TENM2: variants seen among roughly 807,000 people sequenced by gnomAD.
TENM2 encodes teneurin transmembrane protein 2.
TENM2 carries 52 observed loss-of-function variants against 245.2 expected under a neutral mutation model. That is an observed-to-expected ratio of 0.21 (90% CI 0.17 to 0.27). The LOEUF (loss-of-function observed/expected upper bound fraction) is 0.27. TENM2 is among the 10% of genes least tolerant of loss of function. The pLI is 1.00. For synonymous variants in TENM2, 1,363 were observed against 1,438.9 expected, an observed-to-expected ratio of 0.95 and a Z score of 1.19; for missense variants, 3,046 against 3,666.8, an observed-to-expected ratio of 0.83 and a Z score of 4.37.
chr5:168,185,399 AC>A (rs958644454), intron 13 of TENM2, among the ~76,000 whole-genome samples: 1 of 152,150 alleles, frequency 6.6e-6, no homozygotes, highest in African/African-American at 2.4e-5. Flanking sequence ...TGCTCTGAGT[AC>A]TGTACAGACA....
At chr5:167,103,764 A>G in the TENM2 span, among the ~76,000 whole-genome samples, 1 of 152,074 alleles carries the variant, frequency 6.6e-6, no homozygotes, top group South Asian at 2.1e-4. Context: ...TCCTTGGACT[A>G]CAAGTCCCCT....
the TENM2 span, among the ~76,000 whole-genome samples, chr5:167,197,868 G>T: frequency 6.6e-6 from 1 of 151,620 alleles, no homozygotes; most frequent in Non-Finnish European, 1.5e-5. Flanking sequence ...ATACATGTGT[G>T]TATATATAGA....
At chr5:167,429,641 A>C (rs1326233155) in intron 2 of TENM2, among the ~76,000 whole-genome samples, 2 of 111,688 alleles carry the variant, frequency 1.8e-5, no homozygotes, top group Admixed American at 1.3e-4. Flanking sequence ...ACTTAGTCTC[A>C]CTCTGCCCAG....
At chr5:167,273,591 A>G in the TENM2 span, among the ~76,000 whole-genome samples, 1 of 151,700 alleles carries the variant, frequency 6.6e-6, no homozygotes, top group East Asian at 1.9e-4. Context: ...GAATTGTCTT[A>G]AAAAATATGT....
chr5:166,991,361 G>C, the TENM2 span, among the ~76,000 whole-genome samples: 1 of 151,622 alleles, frequency 6.6e-6, no homozygotes, highest in Non-Finnish European at 1.5e-5. Flanking sequence ...TTGGATATTT[G>C]TGTGCGTATG....
chr5:168,014,967 G>A (rs1413602224), intron 5 of TENM2, among the ~76,000 whole-genome samples: 2 of 152,210 alleles, frequency 1.3e-5, no homozygotes, highest in African/African-American at 4.8e-5. Flanking sequence ...GCATTGATCT[G>A]TGTAGACTGG....
intron 2 of TENM2, among the ~76,000 whole-genome samples, chr5:167,550,263 G>A (rs769419088): frequency 1.4e-4 from 22 of 152,150 alleles, no homozygotes; most frequent in African/African-American, 3.9e-4. Context: ...GCAAATGTAC[G>A]TTCTGCTGGT....
At chr5:168,066,883 C>T (rs906799312) in intron 7 of TENM2, among the ~76,000 whole-genome samples, 1 of 152,170 alleles carries the variant, frequency 6.6e-6, no homozygotes, top group Non-Finnish European at 1.5e-5. Flanking sequence ...GACCTGGCTA[C>T]AGTGCTAGGT....
chr5:167,287,382 G>A (rs767867575), intron 1 of TENM2: 17 of 152,082 alleles, frequency 1.1e-4, no homozygotes, highest in Admixed American at 1.1e-3. Flanking sequence ...GATCATCTCC[G>A]TACTTATTAG....
intron 1 of TENM2, among the ~76,000 whole-genome samples, chr5:167,310,926 T>A (rs1218059066): frequency 6.6e-6 from 1 of 152,242 alleles, no homozygotes; most frequent in Non-Finnish European, 1.5e-5. Context: ...AGGGACTTAG[T>A]ATGAACCCAG....
At chr5:168,203,913 T>A (rs1762138478) in intron 18 of TENM2, 81 bp downstream of exon 20, 1 of 1,296,704 alleles carries the variant, frequency 7.7e-7, no homozygotes, top group Non-Finnish European at 1.0e-6. Context: ...ATTTAAGTGA[T>A]CACACCTCCC....
intron 1 of TENM2, among the ~76,000 whole-genome samples, chr5:167,326,101 AGG>A (rs1757058331): frequency 6.6e-6 from 1 of 152,160 alleles, no homozygotes; most frequent in African/African-American, 2.4e-5. Flanking sequence ...AAGAGTGGTC[AGG>A]GTACAGGCTT....
At chr5:167,639,060 G>A (rs568684681) in intron 2 of TENM2, among the ~76,000 whole-genome samples, 13 of 152,206 alleles carry the variant, frequency 8.5e-5, no homozygotes, top group Admixed American at 2.0e-4. Context: ...AGATTTATTC[G>A]GTAAGCTCCA....
At chr5:168,023,616 AGTT>A (rs1488280784) in intron 5 of TENM2, among the ~76,000 whole-genome samples, 3 of 152,192 alleles carry the variant, frequency 2.0e-5, no homozygotes, top group African/African-American at 4.8e-5. Flanking sequence ...ACAACACTCC[AGTT>A]GTTTAGAGAG....
chr5:167,722,635 G>A (rs928735309), intron 2 of TENM2, among the ~76,000 whole-genome samples: 3 of 152,118 alleles, frequency 2.0e-5, no homozygotes, highest in South Asian at 2.1e-4. Flanking sequence ...TTAGCTGGGC[G>A]TGGAGGTGCA....
the TENM2 span, among the ~76,000 whole-genome samples, chr5:167,226,573 T>A: frequency 1.3e-5 from 2 of 151,996 alleles, no homozygotes; most frequent in East Asian, 1.9e-4. Flanking sequence ...TTTAAAAAAA[T>A]TTGTTGAGGC....
At chr5:168,012,140 G>A (rs763918535) in intron 5 of TENM2, among the ~76,000 whole-genome samples, 3 of 151,982 alleles carry the variant, frequency 2.0e-5, no homozygotes, top group South Asian at 2.1e-4. Context: ...CCTCAGAACC[G>A]CCCCTAATAA....
intron 9 of TENM2, among the ~76,000 whole-genome samples, chr5:168,110,036 C>T (rs1794553137): frequency 1.4e-5 from 2 of 141,848 alleles, no homozygotes; most frequent in African/African-American, 2.6e-5. Context: ...ATTAAGAACC[C>T]TTCTTTTTTT....
At chr5:167,306,970 A>G (rs1392100404) in intron 1 of TENM2, among the ~76,000 whole-genome samples, 1 of 152,218 alleles carries the variant, frequency 6.6e-6, no homozygotes, top group Non-Finnish European at 1.5e-5. Context: ...ACTTGTATGA[A>G]AGGGCTGGAA....
Sources: gnomAD v4.1 joint callset for allele counts (sites outside exome capture counted in the v4.1 genomes callset) on GRCh38, gnomAD v4.1.1 for gene constraint, MANE v1.5 for transcripts, NCBI Gene and HGNC (gene_info 2026-07-23, HGNC 2026-07-21) for gene names.